The following KCNQ4 variants were observed in gnomAD, a reference collection of about 807,000 sequenced individuals.
KCNQ4 encodes potassium voltage-gated channel subfamily KQT member 4.
In KCNQ4, 31 loss-of-function variants were observed where a neutral mutation model predicts 72.6. The observed-to-expected ratio is 0.43, with a 90% CI of 0.32 to 0.58. The LOEUF (loss-of-function observed/expected upper bound fraction) is 0.58. Among genes scored for constraint, KCNQ4 ranks in the 20% least tolerant of loss-of-function variants. KCNQ4 has a pLI of 0.08. For missense variants in KCNQ4, 869 were observed against 962.6 expected, an observed-to-expected ratio of 0.90 and a Z score of 1.29; for synonymous variants, 405 against 403.7, an observed-to-expected ratio of 1.00 and a Z score of -0.04.
chr1:40,785,046 C>CGCCCTGCCT (rs1025465677), intron 1 of KCNQ4, among the ~76,000 whole-genome samples: 2 of 152,234 alleles, frequency 1.3e-5, no homozygotes, highest in South Asian at 2.1e-4. Context: ...CAACGGCGGC[C>CGCCCTGCCT]GCCCTGCCTG....
intron 1 of KCNQ4, among the ~76,000 whole-genome samples, chr1:40,799,765 C>G (rs1647524706): frequency 6.6e-6 from 1 of 152,234 alleles, no homozygotes; most frequent in Non-Finnish European, 1.5e-5. Flanking sequence ...TGGATTTGCT[C>G]CAACCCACTG....
chr1:40,834,088 C>A (rs1282503691), intron 11 of KCNQ4, among the ~76,000 whole-genome samples: 1 of 151,878 alleles, frequency 6.6e-6, no homozygotes, highest in Admixed American at 6.6e-5. Flanking sequence ...CTGCTTACCC[C>A]CTTTTCACCC....
At chr1:40,835,325 G>C (rs1648779589) in intron 12 of KCNQ4, among the ~76,000 whole-genome samples, 1 of 152,238 alleles carries the variant, frequency 6.6e-6, no homozygotes, top group South Asian at 2.1e-4. Flanking sequence ...TGGGTCCTCT[G>C]TGCAAGCCCT....
chr1:40,837,523 C>A, intron 12 of KCNQ4, 142 bp from the exon 13 acceptor site: 1 of 1,089,948 alleles, frequency 9.2e-7, no homozygotes, highest in Non-Finnish European at 1.3e-6. Flanking sequence ...TCAACTCAGC[C>A]TCCATCTGGC....
intron 9 of KCNQ4, 115 bp downstream of exon 9, chr1:40,824,373 T>C (rs887502192): frequency 2.6e-6 from 3 of 1,172,780 alleles, no homozygotes; most frequent in East Asian, 5.1e-5. Context: ...CTGGGCCTGT[T>C]TGGGGGACTC....
chr1:40,803,833 C>T (rs1410342013), intron 1 of KCNQ4, among the ~76,000 whole-genome samples: 3 of 152,156 alleles, frequency 2.0e-5, no homozygotes, highest in Non-Finnish European at 4.4e-5. Flanking sequence ...GCATTGAAAC[C>T]CCTCTTCCTC....
intron 1 of KCNQ4, among the ~76,000 whole-genome samples, chr1:40,814,334 A>G (rs1648020838): frequency 6.6e-6 from 1 of 151,932 alleles, no homozygotes; most frequent in Non-Finnish European, 1.5e-5. Context: ...GATTACAGGC[A>G]TGAGCCACCG....
chr1:40,835,623 A>T (rs1013167321), intron 12 of KCNQ4, among the ~76,000 whole-genome samples: 2 of 152,212 alleles, frequency 1.3e-5, no homozygotes, highest in African/African-American at 4.8e-5. Flanking sequence ...GTCAGTGGGC[A>T]TTTACTACTT....
At chr1:40,825,583 G>A (rs1193409322) in intron 9 of KCNQ4, among the ~76,000 whole-genome samples, 1 of 152,044 alleles carries the variant, frequency 6.6e-6, no homozygotes, top group Non-Finnish European at 1.5e-5. Flanking sequence ...TCCAGGTCTG[G>A]GGCTGGAGGG....
chr1:40,796,118 C>T (rs556441961), intron 1 of KCNQ4, among the ~76,000 whole-genome samples: 61 of 151,948 alleles, frequency 4.0e-4, no homozygotes, highest in African/African-American at 1.3e-3. Context: ...GAGTGTGCAA[C>T]GATTCTGTGA....
intron 8 of KCNQ4, among the ~76,000 whole-genome samples, chr1:40,822,861 C>G (rs1648347164): frequency 6.6e-6 from 1 of 152,214 alleles, no homozygotes; most frequent in Admixed American, 6.5e-5. Context: ...AATATGTGCC[C>G]ACTTTTACTG....
At position 40,819,416 on chromosome 1, in the gene KCNQ4, G is replaced by T. The variant is rs80358274; in HGVS notation, c.778G>T (p.Glu260Ter). Residue 260 changes from glutamate (E) to a stop codon, truncating the protein, a stop_gained, in exon 5 of 14, where the codon GAG becomes TAG. Coordinates refer to ENST00000347132, the MANE Select transcript of KCNQ4 (RefSeq NM_004700.4). LOFTEE classifies it high-confidence loss of function. The part of the protein sequence containing the change: ...IFASFLVYLA[E>*]KDANSDFSSY... ...CGCCTCCTTCCTGGTCTACCTGGCT[G>T]AGAAGGACGCCAACTCCGACTTCTC... 2 of 1,613,790 alleles carry T rather than the reference G, an allele frequency of 1.2e-6. No individual in the cohort carries two copies. Among genetic ancestry groups the T allele is most frequent in the Non-Finnish European group, 8.5e-7 (1 of 1,179,950 alleles).
intron 4 of KCNQ4, chr1:40,818,907 G>T: frequency 1.6e-6 from 1 of 620,766 alleles, no homozygotes; most frequent in Non-Finnish European, 2.9e-6. Flanking sequence ...CAGGGGGCGG[G>T]GCCGGAGAGG....
chr1:40,801,091 G>A (rs926388434), intron 1 of KCNQ4, among the ~76,000 whole-genome samples: 4 of 151,920 alleles, frequency 2.6e-5, no homozygotes, highest in Non-Finnish European at 1.5e-5. Flanking sequence ...AGGGGCTGAG[G>A]AAGAGGCATT....
Position 40,784,141 on chromosome 1 carries a change from G to T in KCNQ4, c.48G>T (p.Gly16=). The change falls in exon 1 of 14, where the codon GGG becomes GGT. Residue 16 remains glycine (G), a synonymous_variant. Coordinates refer to ENST00000347132, the MANE Select transcript of KCNQ4 (RefSeq NM_004700.4). The surrounding 1 kb of genome is among the most constrained non-coding windows in gnomAD (Gnocchi z 4.1). The part of the protein sequence containing the change: ...PRRLGLGPPP[G]DAPRAELVAL... ...GCCTCGGCCTGGGTCCCCCGCCCGG[G>T]GACGCCCCCCGCGCGGAGCTAGTGG... is the stretch of plus-strand genomic sequence containing the variant. The T allele has an allele frequency of 9.8e-7, 1 of 1,021,060 alleles. No individual in the cohort carries two copies. The highest frequency in any genetic ancestry group is 1.7e-5 in the African/African-American group (1 of 57,194). 63.3% of individuals were successfully genotyped at this position (1,021,060 alleles called of 1,614,324 possible).
chr1:40,808,952 C>T (rs1248354035), intron 1 of KCNQ4, among the ~76,000 whole-genome samples: 2 of 152,252 alleles, frequency 1.3e-5, no homozygotes, highest in African/African-American at 4.8e-5. Context: ...CTCCTCACTG[C>T]CCCTCCCCTT....
chr1:40,819,503 C>G, intron 5 of KCNQ4, 31 bp downstream of exon 5: 1 of 1,612,580 alleles, frequency 6.2e-7, no homozygotes, highest in Non-Finnish European at 8.5e-7. Flanking sequence ...GGCTGCCCTT[C>G]TCCCTGGGAT....
chr1:40,814,729 A>G (rs1219370659), intron 1 of KCNQ4, among the ~76,000 whole-genome samples: 1 of 152,136 alleles, frequency 6.6e-6, no homozygotes, highest in East Asian at 1.9e-4. Flanking sequence ...AAAACAAAAA[A>G]TAGAAAATAC....
intron 1 of KCNQ4, chr1:40,804,763 A>G (rs1421798447): frequency 6.7e-6 from 1 of 149,846 alleles, no homozygotes; most frequent in Non-Finnish European, 1.5e-5. Context: ...GGCTGCAGTG[A>G]GCCGTGATTG....
Sources: gnomAD v4.1 joint callset for allele counts (sites outside exome capture counted in the v4.1 genomes callset) on GRCh38, gnomAD v4.1.1 for gene constraint, Gnocchi (gnomAD v3.1) non-coding constraint, MANE v1.5 for transcripts, NCBI Gene and HGNC (gene_info 2026-07-23, HGNC 2026-07-21) for gene names.